Variants in NFU1 observed in about 807,000 individuals in gnomAD.
NFU1 encodes NFU1 iron-sulfur cluster scaffold.
NFU1 carries 30 observed loss-of-function variants against 32.2 expected under a neutral mutation model. That is an observed-to-expected ratio of 0.93 (90% CI 0.70 to 1.26). The LOEUF is 1.26. Ranked by LOEUF, NFU1 falls within the 50% of genes most tolerant of loss-of-function variation. The probability of loss-of-function intolerance (pLI) is 0.00; values close to 1 mark genes in which losing one functional copy is unlikely to be tolerated. For missense variants in NFU1, 306 were observed against 306.6 expected (o/e 1.00, Z 0.02); for synonymous variants, 112 against 104.6 (o/e 1.07, Z -0.43).
chr2:69,400,629 T>C (rs1672493129), intron 6 of NFU1, 91 bp from the exon 7 acceptor site: 1 of 1,087,424 alleles, frequency 9.2e-7, no homozygotes, highest in African/African-American at 1.6e-5. Flanking sequence ...AAATTTTATA[T>C]TAGTAAAATT....
At chr2:69,437,827 G>T (rs1277139966), upstream of NFU1, among the ~76,000 whole-genome samples, 5 of 152,144 alleles carry the variant, frequency 3.3e-5, no homozygotes, top group African/African-American at 9.7e-5. Flanking sequence ...TGCCCCCAAA[G>T]ACTCCCTGGA....
At chr2:69,417,935 G>A (rs1023073533) in intron 4 of NFU1, among the ~76,000 whole-genome samples, 10 of 150,176 alleles carry the variant, frequency 6.7e-5, no homozygotes, top group African/African-American at 9.8e-5. Flanking sequence ...TAGGCTATAC[G>A]TAAAAGAACT....
intron 5 of NFU1, among the ~76,000 whole-genome samples, chr2:69,410,358 C>T (rs1020236338): frequency 6.6e-6 from 1 of 152,088 alleles, no homozygotes; most frequent in Non-Finnish European, 1.5e-5. Flanking sequence ...CATTGCTCTC[C>T]AGCCTGGGCA....
chr2:69,418,603 G>A lies in NFU1; in HGVS notation c.369+935C>T, dbSNP rs1673137118. Among the ~76,000 whole-genome samples the A allele has an allele frequency of 2.6e-5, 4 of 152,118 alleles. No homozygotes were observed. In the South Asian group the frequency reaches 6.2e-4, roughly 24 times the overall value. On this transcript the variant is annotated intron_variant, in intron 4 of 7. Transcript: ENST00000410022. Reference sequence around the variant, plus strand: ...TGCTTCAGCCTCCTGAGTAGCTGGGGCTACAGGCGCCCGCCACCATGCCCG... The same window carrying A: ...TGCTTCAGCCTCCTGAGTAGCTGGGACTACAGGCGCCCGCCACCATGCCCG...
At chr2:69,403,230 T>C (rs1672584531) in intron 6 of NFU1, among the ~76,000 whole-genome samples, 2 of 152,162 alleles carry the variant, frequency 1.3e-5, no homozygotes, top group Admixed American at 6.5e-5. Flanking sequence ...TTTTTTGTTT[T>C]TTCACATCCA....
chr2:69,428,338 T>C (rs945252503), intron 2 of NFU1, among the ~76,000 whole-genome samples: 1 of 152,078 alleles, frequency 6.6e-6, no homozygotes, highest in East Asian at 1.9e-4. Flanking sequence ...TGCAGGAGAA[T>C]TGCTTGAACC....
chr2:69,405,066 G>C (rs1213574574), intron 6 of NFU1, among the ~76,000 whole-genome samples: 1 of 151,378 alleles, frequency 6.6e-6, no homozygotes, highest in Non-Finnish European at 1.5e-5. Flanking sequence ...GGCCAACATG[G>C]TGAAACCCTG....
downstream of NFU1, chr2:69,395,945 A>C (rs1472728571): frequency 7.7e-6 from 2 of 259,028 alleles, no homozygotes; most frequent in Non-Finnish European, 1.4e-5. Flanking sequence ...TATGGAAAAA[A>C]GTAAATAAAT....
upstream of NFU1, among the ~76,000 whole-genome samples, chr2:69,437,789 A>T (rs67347664): frequency 0.13 from 20,041 of 151,932 alleles, 1,521 homozygotes; most frequent in Non-Finnish European, 0.17. Context: ...CTAGGACCCT[A>T]CTCAGCCTCC....
At chr2:69,408,732 T>C (rs1226349979) in intron 5 of NFU1, among the ~76,000 whole-genome samples, 1 of 70,504 alleles carries the variant, frequency 1.4e-5, no homozygotes, top group Non-Finnish European at 2.8e-5. Context: ...AAATATAAAA[T>C]TTTATATATA....
chr2:69,431,829 A>G lies in NFU1; in HGVS notation c.166+73T>C, dbSNP rs1673648346. On this transcript the variant is annotated intron_variant, in intron 2 of 7. Coordinates refer to ENST00000410022, the MANE Select transcript of NFU1 (RefSeq NM_001002755.4). ...GAAAATATACAAATTCTCATCTTTT[A>G]TGATCCACAAAATCCTAGCACAGTT... 6.0e-5 allele frequency: 56 copies of G among 933,126 alleles called. 1 individual carries two copies. The South Asian group carries it at 7.0e-4, about 12-fold the overall frequency. The allele number at this position is 933,126 out of a possible 1,614,324, so 57.8% of individuals were successfully genotyped here. A position where few individuals can be genotyped will look rare whatever the true frequency, so the allele number is the denominator to read the frequency against.
upstream of NFU1, chr2:69,437,598 C>T (rs1461259067): frequency 1.3e-6 from 1 of 770,072 alleles, no homozygotes; most frequent in Non-Finnish European, 2.2e-6. Flanking sequence ...ACTGCGTCAC[C>T]CTGACCAAGA....
intron 7 of NFU1, among the ~76,000 whole-genome samples, chr2:69,397,694 C>A (rs1672385266): frequency 6.6e-6 from 1 of 151,540 alleles, no homozygotes; most frequent in African/African-American, 2.4e-5. Flanking sequence ...AGGTGGATCA[C>A]CTGAGGTCAA....
Position 69,436,927 on chromosome 2 carries a change from T to C in NFU1, c.62+434A>G, listed in dbSNP as rs144646208. Among the ~76,000 whole-genome samples the C allele has an allele frequency of 9.9e-3, 1,511 of 152,304 alleles. 28 individuals are homozygous for C. The highest frequency in any genetic ancestry group is 0.034 in the African/African-American group (1,420 of 41,568). On this transcript the variant is annotated intron_variant, in intron 1 of 7. Coordinates refer to ENST00000410022, the MANE Select transcript of NFU1 (RefSeq NM_001002755.4). ...ACATGTCACCTCCTCTTTCAGGGCC[T>C]TACTGGGAAAATGAGGAAACGAGAC...
At chr2:69,404,119 T>C (rs1435029285) in intron 6 of NFU1, among the ~76,000 whole-genome samples, 1 of 150,022 alleles carries the variant, frequency 6.7e-6, no homozygotes, top group Non-Finnish European at 1.5e-5. Flanking sequence ...ATTACAGGCG[T>C]GAGGCACCGC....
chr2:69,426,303 T>C (rs1673452481), intron 2 of NFU1, among the ~76,000 whole-genome samples: 1 of 152,094 alleles, frequency 6.6e-6, no homozygotes, highest in Non-Finnish European at 1.5e-5. Flanking sequence ...CTTCTTTTTT[T>C]GAGATTGAGT....
intron 2 of NFU1, among the ~76,000 whole-genome samples, chr2:69,429,303 C>T (rs1050410223): frequency 6.6e-6 from 1 of 152,192 alleles, no homozygotes; most frequent in African/African-American, 2.4e-5. Flanking sequence ...TCAGCTCACA[C>T]CTATAATCCC....
chr2:69,428,778 G>C (rs952380081), intron 2 of NFU1, among the ~76,000 whole-genome samples: 6 of 152,136 alleles, frequency 3.9e-5, no homozygotes, highest in African/African-American at 1.4e-4. Context: ...AAAAGCAACA[G>C]TTTTATTTTA....
chr2:69,397,203 A>G lies in NFU1; in HGVS notation c.721-913T>C, dbSNP rs183500916. Reference sequence around the variant, plus strand: ...AAGCTATACCAAATTGTTATTTTAAAAACATTTATTTTTATTAAAATGAAT... The same window carrying G: ...AAGCTATACCAAATTGTTATTTTAAGAACATTTATTTTTATTAAAATGAAT... On this transcript the variant is annotated intron_variant, in intron 7 of 7. Coordinates refer to ENST00000410022, the MANE Select transcript of NFU1 (RefSeq NM_001002755.4). 2.6e-3 allele frequency among the ~76,000 whole-genome samples: 401 copies of G among 152,308 alleles called. 3 individuals carry two copies. Among genetic ancestry groups the G allele is most frequent in the African/African-American group, 7.4e-3 (307 of 41,570 alleles).
Sources: allele counts gnomAD v4.1 joint callset (sites outside exome capture counted in the v4.1 genomes callset), GRCh38; gene constraint gnomAD v4.1.1; transcripts MANE v1.5; gene names NCBI Gene and HGNC (gene_info 2026-07-23, HGNC 2026-07-21).